Variants in ABCE1 observed in about 807,000 individuals in gnomAD.
ABCE1 encodes ATP binding cassette subfamily E member 1.
Under a neutral mutation model 83.4 loss-of-function variants are expected in ABCE1, and 22 were observed. The ratio of observed to expected loss-of-function variants is 0.26; its 90% CI spans 0.19 to 0.38. The LOEUF (loss-of-function observed/expected upper bound fraction) is 0.38. Among genes scored for constraint, ABCE1 ranks in the 10% least tolerant of loss-of-function variants. ABCE1 has a pLI of 1.00. For synonymous variants in ABCE1, 204 were observed against 233.7 expected, an observed-to-expected ratio of 0.87 and a Z score of 1.16; for missense variants, 330 against 721.9, an observed-to-expected ratio of 0.46 and a Z score of 6.22.
rs1349406355 is a variant in ABCE1 at position 145,128,944 on chromosome 4, C to T, written c.*1371C>T. 6.6e-6 allele frequency: 1 copy of T among 152,088 alleles called. No homozygotes were observed. Among genetic ancestry groups the T allele is most frequent in the African/African-American group, 2.4e-5 (1 of 41,416 alleles). The allele number at this position is 152,088 out of a possible 1,614,324, so 9.4% of individuals were successfully genotyped here. The stretch of plus-strand genomic sequence containing the variant: ...ATACAGAATGGAATAAAAAAATGAT[C>T]TCCCTTTATTACCCTCCCAAAGGTT... On this transcript the variant is annotated 3_prime_UTR_variant, in exon 18 of 18. Coordinates refer to ENST00000296577, the MANE Select transcript of ABCE1 (RefSeq NM_002940.3).
intron 3 of ABCE1, among the ~76,000 whole-genome samples, chr4:145,107,489 A>G (rs1463800800): frequency 6.6e-6 from 1 of 152,190 alleles, no homozygotes; most frequent in Admixed American, 6.5e-5. Context: ...TAACAAAACC[A>G]AACAAAAAAC....
At chr4:145,104,220 A>G (rs1280608440) in intron 1 of ABCE1, among the ~76,000 whole-genome samples, 166 bp from the exon 2 acceptor site, 1 of 151,816 alleles carries the variant, frequency 6.6e-6, no homozygotes, top group Non-Finnish European at 1.5e-5. Context: ...ACCTTACTAG[A>G]TTATAGATTA....
At chr4:145,107,537 C>G (rs189694999) in intron 3 of ABCE1, among the ~76,000 whole-genome samples, 3 of 152,180 alleles carry the variant, frequency 2.0e-5, no homozygotes, top group Non-Finnish European at 4.4e-5. Context: ...GTATTAAGCA[C>G]TCTTTAAATG....
In ABCE1 at chr4:145,128,613, A is replaced by G. The variant is rs756291185; in HGVS notation, c.*1040A>G. On this transcript the variant is annotated 3_prime_UTR_variant, in exon 18 of 18. Coordinates refer to ENST00000296577, the MANE Select transcript of ABCE1 (RefSeq NM_002940.3). ...AACCATTTTGTAGTTCCAAAAACCCATCTAAATTTCTTGAGTTCCTGAATT... is the reference window on the plus strand; with the variant it reads ...AACCATTTTGTAGTTCCAAAAACCCGTCTAAATTTCTTGAGTTCCTGAATT... 2 of 152,152 alleles carry G rather than the reference A, an allele frequency of 1.3e-5. No homozygotes were observed. Among genetic ancestry groups the G allele is most frequent in the African/African-American group, 2.4e-5 (1 of 41,448 alleles). The allele number at this position is 152,152 out of a possible 1,614,324, so 9.4% of individuals were successfully genotyped here. A position where few individuals can be genotyped will look rare whatever the true frequency, so the allele number is the denominator to read the frequency against.
At position 145,119,996 on chromosome 4, in the gene ABCE1, T is replaced by C. The variant is rs763486587; in HGVS notation, c.987T>C (p.Leu329=). Residue 329 remains leucine, a synonymous_variant, in exon 11 of 18, where the codon CTT becomes CTC. Coordinates refer to ENST00000296577, the MANE Select transcript of ABCE1 (RefSeq NM_002940.3). Reference sequence around the variant, plus strand: ...ACTTGAGATTCAGAGATGCATCACTTGTTTTTAAAGTGGCTGAGACAGCAA... The same window carrying C: ...ACTTGAGATTCAGAGATGCATCACTCGTTTTTAAAGTGGCTGAGACAGCAA... ...TENLRFRDAS[L]VFKVAETANE... 2 of 1,612,774 alleles carry C rather than the reference T, an allele frequency of 1.2e-6. No homozygotes were observed. Among genetic ancestry groups the C allele is most frequent in the South Asian group, 2.2e-5 (2 of 90,992 alleles).
chr4:145,117,988 G>A (rs1749648858), intron 10 of ABCE1, among the ~76,000 whole-genome samples: 1 of 151,368 alleles, frequency 6.6e-6, no homozygotes, highest in Non-Finnish European at 1.5e-5. Context: ...ATAGAAACTA[G>A]CGTACCACTA....
intron 1 of ABCE1, among the ~76,000 whole-genome samples, chr4:145,100,748 AT>A (rs200850459): frequency 1.3e-4 from 20 of 150,384 alleles, no homozygotes; most frequent in South Asian, 2.1e-4. Flanking sequence ...CTTTTGAATG[AT>A]TTTTTTTTTC....
At chr4:145,107,872 A>C (rs1241032486) in intron 3 of ABCE1, 143 bp from the exon 4 acceptor site, 1 of 649,890 alleles carries the variant, frequency 1.5e-6, no homozygotes, top group Non-Finnish European at 2.5e-6. Context: ...TTAAGTAAAT[A>C]GTAGAAGGAA....
intron 7 of ABCE1, 65 bp downstream of exon 7, chr4:145,110,509 C>A: frequency 1.3e-6 from 2 of 1,513,722 alleles, no homozygotes; most frequent in South Asian, 2.3e-5. Context: ...GAGTTTCGCT[C>A]TTGTTGCCCA....
intron 3 of ABCE1, 53 bp downstream of exon 3, chr4:145,105,743 G>A: frequency 7.8e-7 from 1 of 1,278,728 alleles, no homozygotes; most frequent in Non-Finnish European, 1.1e-6. Context: ...ACTGAAATCT[G>A]AAAATTCTGG....
chr4:145,105,477 TTGTG>T (rs1272247006), intron 2 of ABCE1, 124 bp from the exon 3 acceptor site: 14 of 606,006 alleles, frequency 2.3e-5, no homozygotes, highest in Non-Finnish European at 2.9e-5. Context: ...ATGTATTTCT[TTGTG>T]TGGCCTTTGT....
At chr4:145,121,572 T>C in intron 13 of ABCE1, 181 bp downstream of exon 13, 3 of 552,076 alleles carry the variant, frequency 5.4e-6, no homozygotes, top group Non-Finnish European at 9.6e-6. Context: ...GAAAGTGCTT[T>C]AAAGATATTT....
At chr4:145,126,063 G>C (rs916404824) in intron 17 of ABCE1, among the ~76,000 whole-genome samples, 28 of 151,396 alleles carry the variant, frequency 1.8e-4, no homozygotes, top group Non-Finnish European at 5.9e-5. Flanking sequence ...CGCAACCCCC[G>C]CAAAAAAAGT....
At chr4:145,113,335 C>T (rs1368123739) in intron 9 of ABCE1, among the ~76,000 whole-genome samples, 1 of 152,196 alleles carries the variant, frequency 6.6e-6, no homozygotes, top group Non-Finnish European at 1.5e-5. Context: ...GAAGGGATTG[C>T]TCTGTTTCAA....
intron 10 of ABCE1, among the ~76,000 whole-genome samples, chr4:145,119,602 T>C (rs1749687441): frequency 6.6e-6 from 1 of 151,874 alleles, no homozygotes; most frequent in African/African-American, 2.4e-5. Flanking sequence ...AATCTGAAAA[T>C]ACTCTTACAT....
intron 11 of ABCE1, 105 bp downstream of exon 11, chr4:145,120,258 G>A: frequency 1.0e-6 from 1 of 986,278 alleles, no homozygotes; most frequent in Non-Finnish European, 1.5e-6. Flanking sequence ...AGGGCTAGAA[G>A]CAGAGTTTTA....
At position 145,123,557 on chromosome 4, in the gene ABCE1, A is replaced by G. The variant is rs1294167215; in HGVS notation, c.1597A>G (p.Ile533Val). The change falls in exon 16 of 18, where the codon ATC (isoleucine) becomes GTC (valine). Residue 533 changes from isoleucine (I) to valine (V), a missense_variant. Coordinates refer to ENST00000296577, the MANE Select transcript of ABCE1 (RefSeq NM_002940.3). ...IMATYLADRV[I>V]VFDGVPSKNT... ...GGCCACCTATCTAGCGGATCGCGTC[A>G]TCGTTTTTGATGGTGTTCCATCTAA... 1.9e-6 allele frequency: 3 copies of G among 1,606,512 alleles called. No homozygotes were observed. The highest frequency in any genetic ancestry group is 1.7e-5 in the Admixed American group (1 of 59,942).
intron 13 of ABCE1, 26 bp downstream of exon 13, chr4:145,121,417 A>G: frequency 6.4e-7 from 1 of 1,569,536 alleles, no homozygotes; most frequent in Non-Finnish European, 8.7e-7. Flanking sequence ...TTATATGGTT[A>G]CTAAAGAAAA....
At chr4:145,120,277 C>G in intron 11 of ABCE1, 124 bp downstream of exon 11, 1 of 797,224 alleles carries the variant, frequency 1.3e-6, no homozygotes, top group Non-Finnish European at 1.9e-6. Context: ...TATTTAAACC[C>G]ACAAATTTCT....
Sources: gnomAD v4.1 joint callset for allele counts (sites outside exome capture counted in the v4.1 genomes callset) on GRCh38, gnomAD v4.1.1 for gene constraint, MANE v1.5 for transcripts, NCBI Gene and HGNC (gene_info 2026-07-23, HGNC 2026-07-21) for gene names.